SOX5: variants seen among roughly 807,000 people sequenced by gnomAD.
SOX5 encodes the protein SRY-box transcription factor 5.
SOX5 carries 9 observed loss-of-function variants against 92.0 expected under a neutral mutation model. That is an observed-to-expected ratio of 0.10 (90% CI 0.06 to 0.17). The LOEUF is 0.17. SOX5 is among the 10% of genes least tolerant of loss of function. The pLI, the probability that SOX5 is intolerant of heterozygous loss-of-function variation, is 1.00. For missense variants in SOX5, 642 were observed against 944.5 expected, an observed-to-expected ratio of 0.68 and a Z score of 4.20; for synonymous variants, 344 against 336.3, an observed-to-expected ratio of 1.02 and a Z score of -0.25.
At position 23,974,639 on chromosome 12, in the gene SOX5, C is replaced by A. The variant is rs139020742; in HGVS notation, c.-1-78615G>T. On this transcript the variant is annotated intron_variant, in intron 4 of 4. Coordinates refer to the SOX5 transcript ENST00000446891. ...TCTCTGAAACCTCCAAGCTTCCTGG[C>A]AGGAATGACGGGAAGATAGTGGTAA... is the stretch of plus-strand genomic sequence containing the variant. Among the ~76,000 whole-genome samples the A allele has an allele frequency of 7.3e-3, 1,116 of 152,178 alleles. 6 individuals carry two copies. Among genetic ancestry groups the A allele is most frequent in the Non-Finnish European group, 0.011 (739 of 68,002 alleles).
At chr12:24,239,178 C>T (rs182484383) in intron 3 of SOX5, among the ~76,000 whole-genome samples, 4 of 152,310 alleles carry the variant, frequency 2.6e-5, no homozygotes, top group Admixed American at 2.0e-4. Context: ...AAGTGGATTA[C>T]TGCACTCTAC....
At chr12:24,012,670 A>T (rs1245245235) in intron 4 of SOX5, among the ~76,000 whole-genome samples, 1 of 151,858 alleles carries the variant, frequency 6.6e-6, no homozygotes, top group Non-Finnish European at 1.5e-5. Context: ...ACAAACCTCC[A>T]AGGAAATCAG....
At chr12:23,571,277 A>G (rs1948338703) in intron 10 of SOX5, among the ~76,000 whole-genome samples, 1 of 152,066 alleles carries the variant, frequency 6.6e-6, no homozygotes, top group Admixed American at 6.6e-5. Flanking sequence ...TAGCCAATTA[A>G]TGGACTTGGA....
intron 1 of SOX5, among the ~76,000 whole-genome samples, chr12:24,559,051 ATGGG>A (rs1954082141): frequency 6.6e-6 from 1 of 152,240 alleles, no homozygotes; most frequent in Admixed American, 6.5e-5. Flanking sequence ...CAATTTACAA[ATGGG>A]TGTTTTAAAA....
At chr12:24,208,230 T>C (rs1253874514) in intron 4 of SOX5, among the ~76,000 whole-genome samples, 2 of 152,166 alleles carry the variant, frequency 1.3e-5, no homozygotes, top group Non-Finnish European at 2.9e-5. Context: ...AGTTTATAAA[T>C]CAGTCAGCCT....
chr12:23,618,681 G>A (rs1342137234), intron 8 of SOX5, among the ~76,000 whole-genome samples: 1 of 152,126 alleles, frequency 6.6e-6, no homozygotes, highest in African/African-American at 2.4e-5. Flanking sequence ...AGTTTGGTGA[G>A]AAAGATGAAA....
At chr12:24,351,667 G>A (rs1954099325) in intron 2 of SOX5, among the ~76,000 whole-genome samples, 1 of 152,108 alleles carries the variant, frequency 6.6e-6, no homozygotes, top group Non-Finnish European at 1.5e-5. Context: ...AAGTTGCTGA[G>A]GTAAGAAATT....
At chr12:24,330,384 G>C (rs967539928) in intron 2 of SOX5, among the ~76,000 whole-genome samples, 6 of 152,206 alleles carry the variant, frequency 3.9e-5, no homozygotes, top group Admixed American at 1.3e-4. Context: ...TTTGTACAAA[G>C]GTGTGATCTG....
At chr12:24,343,985 A>G (rs1350376935) in intron 2 of SOX5, among the ~76,000 whole-genome samples, 1 of 152,054 alleles carries the variant, frequency 6.6e-6, no homozygotes, top group African/African-American at 2.4e-5. Flanking sequence ...TGTTTATCAG[A>G]GAAATAAAAA....
chr12:23,994,800 C>G (rs189417709), intron 4 of SOX5, among the ~76,000 whole-genome samples: 1 of 152,212 alleles, frequency 6.6e-6, no homozygotes, highest in East Asian at 1.9e-4. Context: ...CAAACCTTCA[C>G]AGAAAAAAAT....
intron 1 of SOX5, among the ~76,000 whole-genome samples, chr12:24,466,873 C>G (rs1365192353): frequency 1.3e-5 from 2 of 152,184 alleles, no homozygotes; most frequent in Non-Finnish European, 2.9e-5. Context: ...AATCTCTGCT[C>G]TGGAGTAAGT....
At chr12:24,421,236 G>T (rs1038691343) in intron 1 of SOX5, among the ~76,000 whole-genome samples, 23 of 152,140 alleles carry the variant, frequency 1.5e-4, no homozygotes, top group African/African-American at 5.3e-4. Flanking sequence ...TTCTTGACCT[G>T]GGTGGTGGTT....
chr12:24,406,848 A>C (rs542543374), intron 1 of SOX5, among the ~76,000 whole-genome samples: 2 of 152,318 alleles, frequency 1.3e-5, no homozygotes, highest in Non-Finnish European at 1.5e-5. Flanking sequence ...AAACAGAAGG[A>C]GATGAAAAAT....
intron 2 of SOX5, among the ~76,000 whole-genome samples, chr12:23,864,506 C>T (rs565066741): frequency 2.1e-4 from 32 of 152,064 alleles, no homozygotes; most frequent in Admixed American, 2.6e-4. Context: ...AAAAGGTTCT[C>T]GAAGGAAATA....
chr12:24,001,187 C>A (rs1283291832), intron 4 of SOX5, among the ~76,000 whole-genome samples: 1 of 152,122 alleles, frequency 6.6e-6, no homozygotes, highest in Non-Finnish European at 1.5e-5. Flanking sequence ...ACCTCCTGGG[C>A]TCCAGTGATC....
intron 1 of SOX5, among the ~76,000 whole-genome samples, chr12:24,442,190 T>C (rs756228046): frequency 7.2e-5 from 11 of 152,218 alleles, no homozygotes; most frequent in Non-Finnish European, 1.0e-4. Context: ...TTTTGTATAT[T>C]GCTAGAACGC....
intron 3 of SOX5, among the ~76,000 whole-genome samples, chr12:24,236,951 C>CT (rs1650316917): frequency 6.6e-6 from 1 of 151,906 alleles, no homozygotes; most frequent in African/African-American, 2.4e-5. Flanking sequence ...AGTGAATCCT[C>CT]TAGAAGCCTA....
At chr12:24,476,858 G>A (rs1002973268) in intron 1 of SOX5, among the ~76,000 whole-genome samples, 10 of 151,992 alleles carry the variant, frequency 6.6e-5, no homozygotes, top group Non-Finnish European at 1.3e-4. Context: ...CTGTGATTCA[G>A]TGATTTATAA....
intron 6 of SOX5, among the ~76,000 whole-genome samples, chr12:23,695,909 C>A (rs1455340261): frequency 3.2e-5 from 4 of 123,758 alleles, no homozygotes; most frequent in Admixed American, 9.9e-5. Context: ...CCACTGCACT[C>A]CAGCTTGGGT....
Sources: gnomAD v4.1 joint callset for allele counts (sites outside exome capture counted in the v4.1 genomes callset) on GRCh38, gnomAD v4.1.1 for gene constraint, MANE v1.5 for transcripts, NCBI Gene and HGNC (gene_info 2026-07-23, HGNC 2026-07-21) for gene names.